The following WDR44 variants were observed in gnomAD, a reference collection of about 807,000 sequenced individuals.
WDR44 encodes the protein WD repeat-containing protein 44.
In WDR44, 9 loss-of-function variants were observed where a neutral mutation model predicts 65.7. The observed-to-expected ratio is 0.14, with a 90% CI of 0.08 to 0.24. The LOEUF is 0.24. WDR44 is among the 10% of genes least tolerant of loss of function. WDR44 has a pLI of 1.00. For synonymous variants in WDR44, 220 were observed against 235.2 expected, an observed-to-expected ratio of 0.94 and a Z score of 0.59; for missense variants, 425 against 670.9, an observed-to-expected ratio of 0.63 and a Z score of 4.05.
At chrX:118,420,555 G>T (rs1348072144) in intron 12 of WDR44, among the ~76,000 whole-genome samples, 1 of 111,647 alleles carries the variant, frequency 9.0e-6, no homozygotes, top group African/African-American at 3.3e-5. Context: ...GCCCAGCCTT[G>T]CGGTTTAAAA....
At chrX:118,371,408 A>G (rs1041012025) in intron 1 of WDR44, among the ~76,000 whole-genome samples, 1 of 111,495 alleles carries the variant, frequency 9.0e-6, no homozygotes, top group African/African-American at 3.3e-5. Flanking sequence ...CTATAATAAT[A>G]ACAATGTATG....
rs112899456 is a variant in WDR44 at position 118,366,993 on chromosome X, G to A, written c.78-11426G>A. Among the ~76,000 whole-genome samples, 27 of 110,572 alleles carry A rather than the reference G, an allele frequency of 2.4e-4. 1 individual carries two copies. Among genetic ancestry groups the A allele is most frequent in the African/African-American group, 8.5e-4 (26 of 30,485 alleles). On this transcript the variant is annotated intron_variant, in intron 1 of 19. Coordinates refer to ENST00000254029, the MANE Select transcript of WDR44 (RefSeq NM_019045.5). ...CCCAGCTACTCAGGAGGCTGAGGCA[G>A]GAGAATGGCGTGAACCTGGAAGGCG...
At chrX:118,441,766 A>G (rs1041491927) in intron 15 of WDR44, among the ~76,000 whole-genome samples, 2 of 111,315 alleles carry the variant, frequency 1.8e-5, no homozygotes, top group Non-Finnish European at 1.9e-5. Flanking sequence ...TTTGAGATGG[A>G]GTCTCACTCT....
intron 8 of WDR44, among the ~76,000 whole-genome samples, chrX:118,400,063 G>A (rs1185536556): frequency 9.2e-6 from 1 of 108,879 alleles, no homozygotes; most frequent in Non-Finnish European, 1.9e-5. Flanking sequence ...ACTTCGGCCT[G>A]GGTGACAGAG....
At chrX:118,410,329 A>G (rs1569373872) in intron 11 of WDR44, among the ~76,000 whole-genome samples, 1 of 112,045 alleles carries the variant, frequency 8.9e-6, no homozygotes, top group Non-Finnish European at 1.9e-5. Flanking sequence ...TTTGAGGAAC[A>G]TAAAAGTCTA....
chrX:118,373,586 A>G (rs2056632740), intron 1 of WDR44, among the ~76,000 whole-genome samples: 1 of 111,685 alleles, frequency 9.0e-6, no homozygotes, highest in South Asian at 3.7e-4. Context: ...TTCAAGAAGC[A>G]GCGTTAATTG....
chrX:118,366,691 CTAT>C (rs1390438310), intron 1 of WDR44, among the ~76,000 whole-genome samples: 2 of 110,732 alleles, frequency 1.8e-5, no homozygotes, highest in Non-Finnish European at 3.8e-5. Context: ...TATATATAAT[CTAT>C]TAATGTATAT....
intron 1 of WDR44, among the ~76,000 whole-genome samples, chrX:118,361,598 A>T (rs910563911): frequency 3.3e-4 from 37 of 110,454 alleles, no homozygotes; most frequent in Admixed American, 1.6e-3. Context: ...TTAAAAAATT[A>T]AAAAAAAATT....
intron 1 of WDR44, among the ~76,000 whole-genome samples, chrX:118,377,679 A>G (rs1187759561): frequency 9.3e-6 from 1 of 108,000 alleles, no homozygotes; most frequent in African/African-American, 3.4e-5. Flanking sequence ...TCAGATCTCT[A>G]GGTGATAAGA....
chrX:118,355,221 C>A (rs2056448564), intron 1 of WDR44, among the ~76,000 whole-genome samples: 1 of 111,905 alleles, frequency 8.9e-6, no homozygotes, highest in African/African-American at 3.2e-5. Flanking sequence ...TCACTGCCAG[C>A]TTTTTCTTTC....
intron 10 of WDR44, among the ~76,000 whole-genome samples, 168 bp from the exon 11 acceptor site, chrX:118,409,321 G>A (rs2056993559): frequency 9.1e-6 from 1 of 110,059 alleles, no homozygotes; most frequent in South Asian, 3.9e-4. Context: ...GCAGAGATGG[G>A]GTTTTACCAT....
At chrX:118,447,881 T>C (rs1433685212) in intron 19 of WDR44, among the ~76,000 whole-genome samples, 2 of 48,182 alleles carry the variant, frequency 4.2e-5, no homozygotes, top group Non-Finnish European at 2.9e-5. Context: ...CTAAAATATA[T>C]ATATATATAT....
intron 4 of WDR44, among the ~76,000 whole-genome samples, chrX:118,393,592 CAAA>C (rs34351231): frequency 6.0e-5 from 5 of 83,145 alleles, no homozygotes; most frequent in African/African-American, 4.2e-5. Context: ...AATCTTGTCT[CAAA>C]AAAAAAAAAA....
At chrX:118,377,149 A>G (rs1602888660) in intron 1 of WDR44, among the ~76,000 whole-genome samples, 2 of 111,295 alleles carry the variant, frequency 1.8e-5, no homozygotes, top group Admixed American at 1.9e-4. Flanking sequence ...CTTGAGCCCA[A>G]GAGTTCAAGA....
At chrX:118,423,892 A>G (rs980238279) in intron 12 of WDR44, among the ~76,000 whole-genome samples, 108 of 111,807 alleles carry the variant, frequency 9.7e-4, no homozygotes, top group African/African-American at 2.0e-3. Context: ...ACTTAGCATA[A>G]TGTCTTCCAG....
chrX:118,359,125 C>T (rs746328958), intron 1 of WDR44, among the ~76,000 whole-genome samples: 3 of 112,198 alleles, frequency 2.7e-5, no homozygotes, highest in South Asian at 3.7e-4. Context: ...TTCTGTAATA[C>T]GGCCTGTAGC....
chrX:118,380,607 A>G (rs1393806143), intron 2 of WDR44, among the ~76,000 whole-genome samples: 1 of 112,155 alleles, frequency 8.9e-6, no homozygotes, highest in Non-Finnish European at 1.9e-5. Context: ...AGTGCATATT[A>G]TGAATAACAG....
At chrX:118,443,913 G>A (rs778572511) in intron 18 of WDR44, among the ~76,000 whole-genome samples, 23 of 110,882 alleles carry the variant, frequency 2.1e-4, no homozygotes, top group Admixed American at 5.8e-4. Context: ...GGGCATAGTG[G>A]CACACGTCTG....
Position 118,407,032 on chromosome X carries a change from C to T in WDR44, c.1533+6C>T. On this transcript the variant is annotated splice_donor_region_variant and intron_variant, in intron 10 of 19. Coordinates refer to ENST00000254029, the MANE Select transcript of WDR44 (RefSeq NM_019045.5). ...ATCTTAGTGGTGAACATATGGTAAG[C>T]AACTTTTTCATTTTTTAGGATTGAT... The T allele has an allele frequency of 8.4e-7, 1 of 1,192,182 alleles. No individual in the cohort carries two copies. The highest frequency in any genetic ancestry group is 1.1e-6 in the Non-Finnish European group (1 of 886,662).
Sources: gnomAD v4.1 joint callset for allele counts (sites outside exome capture counted in the v4.1 genomes callset) on GRCh38, gnomAD v4.1.1 for gene constraint, MANE v1.5 for transcripts, NCBI Gene and HGNC (gene_info 2026-07-23, HGNC 2026-07-21) for gene names.